The following DLG2 variants were observed in gnomAD, a reference collection of about 807,000 sequenced individuals.
DLG2 encodes disks large homolog 2.
A neutral mutation model predicts 132.5 loss-of-function variants in DLG2; 45 were observed. That is an observed-to-expected ratio of 0.34 (90% CI 0.27 to 0.44). The LOEUF (loss-of-function observed/expected upper bound fraction) is 0.44, where lower values mean the gene tolerates loss of function less well. DLG2 is among the 20% of genes least tolerant of loss of function. The pLI is 1.00. For missense variants in DLG2, 1,045 were observed against 1,196.9 expected (o/e 0.87, Z 1.87); for synonymous variants, 424 against 419.6 (o/e 1.01, Z -0.13).
chr11:84,732,240 G>A (rs942368934), intron 6 of DLG2, among the ~76,000 whole-genome samples: 15 of 152,022 alleles, frequency 9.9e-5, no homozygotes, highest in African/African-American at 3.1e-4. Context: ...ACGAATATCT[G>A]TGCATAAGTC....
intron 14 of DLG2, among the ~76,000 whole-genome samples, chr11:83,957,572 A>AG (rs1469478478): frequency 9.6e-6 from 1 of 104,626 alleles, no homozygotes; most frequent in African/African-American, 3.4e-5. Context: ...TTTTTTTTTT[A>AG]AAAACATAAA....
intron 5 of DLG2, among the ~76,000 whole-genome samples, chr11:85,124,916 C>T (rs1448602368): frequency 2.6e-5 from 4 of 151,872 alleles, no homozygotes; most frequent in East Asian, 1.9e-4. Flanking sequence ...CTGCAAGCTC[C>T]GCCTCCCAGG....
chr11:84,975,679 T>A (rs1463505198), intron 6 of DLG2, among the ~76,000 whole-genome samples: 2 of 152,174 alleles, frequency 1.3e-5, no homozygotes, highest in African/African-American at 2.4e-5. Flanking sequence ...TAACTGCTAC[T>A]CCCTATTAAG....
At chr11:85,476,066 T>C (rs1207849462) in intron 3 of DLG2, among the ~76,000 whole-genome samples, 1 of 151,940 alleles carries the variant, frequency 6.6e-6, no homozygotes, top group African/African-American at 2.4e-5. Flanking sequence ...CACAATAGAG[T>C]GTACTTACAC....
At chr11:83,642,613 T>C (rs534113002) in intron 18 of DLG2, among the ~76,000 whole-genome samples, 2 of 146,276 alleles carry the variant, frequency 1.4e-5, no homozygotes, top group Non-Finnish European at 3.1e-5. Context: ...CATGCATGCT[T>C]TGTTTTATAG....
intron 7 of DLG2, among the ~76,000 whole-genome samples, chr11:84,374,782 G>C (rs2098722505): frequency 6.6e-6 from 1 of 152,016 alleles, no homozygotes; most frequent in Non-Finnish European, 1.5e-5. Flanking sequence ...CAAAACCTTT[G>C]CTGGACACAT....
chr11:84,196,411 G>C (rs534711531), intron 8 of DLG2, among the ~76,000 whole-genome samples: 1 of 152,256 alleles, frequency 6.6e-6, no homozygotes, highest in African/African-American at 2.4e-5. Context: ...AAAGTGTTGA[G>C]CGGCCAAAAC....
At chr11:84,934,514 T>TTG (rs373127852) in intron 6 of DLG2, among the ~76,000 whole-genome samples, 27,369 of 84,898 alleles carry the variant, frequency 0.32, 6,371 homozygotes, top group East Asian at 0.68. Context: ...GTTTTTTTTT[T>TTG]GTTTTGTTTT....
chr11:84,806,233 G>A (rs2075982991), intron 6 of DLG2, among the ~76,000 whole-genome samples: 1 of 152,100 alleles, frequency 6.6e-6, no homozygotes, highest in Non-Finnish European at 1.5e-5. Flanking sequence ...AGAATGAAAG[G>A]AGAAAGAGTG....
At chr11:85,146,847 A>G (rs911562362) in intron 5 of DLG2, among the ~76,000 whole-genome samples, 1 of 152,228 alleles carries the variant, frequency 6.6e-6, no homozygotes, top group African/African-American at 2.4e-5. Context: ...TATCTAGGAC[A>G]TTAGGCTACT....
chr11:83,966,085 C>A (rs947916458), intron 12 of DLG2, among the ~76,000 whole-genome samples: 1 of 152,054 alleles, frequency 6.6e-6, no homozygotes, highest in African/African-American at 2.4e-5. Context: ...AATCCTTTTT[C>A]TATATTTGTG....
At chr11:85,495,776 A>G (rs1033573206) in intron 3 of DLG2, among the ~76,000 whole-genome samples, 5 of 152,214 alleles carry the variant, frequency 3.3e-5, no homozygotes, top group Non-Finnish European at 5.9e-5. Context: ...CAATTCCATT[A>G]CTGGGTATAT....
At chr11:84,653,517 G>A (rs1251288488) in intron 6 of DLG2, among the ~76,000 whole-genome samples, 6 of 152,012 alleles carry the variant, frequency 3.9e-5, no homozygotes, top group African/African-American at 9.7e-5. Context: ...CCTCAGCATC[G>A]TCTATCCTTT....
chr11:85,566,508 A>G (rs895898261), intron 3 of DLG2, among the ~76,000 whole-genome samples: 28 of 152,228 alleles, frequency 1.8e-4, no homozygotes, highest in African/African-American at 6.5e-4. Flanking sequence ...TAGAGGTTGG[A>G]AGTCTGAAAT....
chr11:84,371,632 A>G (rs1487169992), intron 7 of DLG2, among the ~76,000 whole-genome samples: 1 of 152,150 alleles, frequency 6.6e-6, no homozygotes, highest in Non-Finnish European at 1.5e-5. Flanking sequence ...AACATTTTAA[A>G]ATGTAAGATT....
chr11:85,408,387 T>A (rs1208910668), intron 3 of DLG2, among the ~76,000 whole-genome samples: 7 of 150,838 alleles, frequency 4.6e-5, no homozygotes, highest in Non-Finnish European at 1.0e-4. Context: ...TTTGTACTAT[T>A]ATTTTTATTA....
chr11:84,091,261 T>C (rs2097089305), intron 10 of DLG2, among the ~76,000 whole-genome samples: 2 of 152,244 alleles, frequency 1.3e-5, no homozygotes, highest in Admixed American at 1.3e-4. Flanking sequence ...TGTGCTCTTC[T>C]TGCCTTGCCT....
intron 19 of DLG2, among the ~76,000 whole-genome samples, chr11:83,559,082 T>C (rs764302826): frequency 1.1e-4 from 17 of 151,972 alleles, no homozygotes; most frequent in Non-Finnish European, 1.8e-4. Flanking sequence ...ATGGAATAGG[T>C]AGTATTTGTT....
chr11:85,104,338 C>A (rs1253561772), intron 6 of DLG2, among the ~76,000 whole-genome samples: 2 of 151,734 alleles, frequency 1.3e-5, no homozygotes, highest in Non-Finnish European at 2.9e-5. Flanking sequence ...AATGGATAAA[C>A]AAAATATGGT....
Sources: gnomAD v4.1 joint callset for allele counts (sites outside exome capture counted in the v4.1 genomes callset) on GRCh38, gnomAD v4.1.1 for gene constraint, MANE v1.5 for transcripts, NCBI Gene and HGNC (gene_info 2026-07-23, HGNC 2026-07-21) for gene names.